The following LPCAT1 variants were observed in gnomAD, a reference collection of about 807,000 sequenced individuals.
LPCAT1 encodes the protein 1-acylglycerol-3-phosphate O-acyltransferase.
LPCAT1 carries 23 observed loss-of-function variants against 60.9 expected under a neutral mutation model. The ratio of observed to expected loss-of-function variants is 0.38; its 90% CI spans 0.27 to 0.53. The LOEUF (loss-of-function observed/expected upper bound fraction) is 0.53, where lower values mean the gene tolerates loss of function less well. Among genes scored for constraint, LPCAT1 ranks in the 20% least tolerant of loss-of-function variants. LPCAT1 has a pLI of 0.82. For missense variants in LPCAT1, 622 were observed against 723.6 expected, an observed-to-expected ratio of 0.86 and a Z score of 1.61; for synonymous variants, 340 against 301.1, an observed-to-expected ratio of 1.13 and a Z score of -1.34.
At chr5:1,517,603 AGG>A (rs1490381977) in intron 1 of LPCAT1, among the ~76,000 whole-genome samples, 1 of 152,156 alleles carries the variant, frequency 6.6e-6, no homozygotes, top group African/African-American at 2.4e-5. Flanking sequence ...CTCCTGAAGC[AGG>A]GCTCCTGAGT....
rs548865981 is a variant in LPCAT1 at position 1,463,355 on chromosome 5, G to A, written c.*296C>T. Reference sequence around the variant, plus strand: ...GAGACTCGAAACCAGGGCCCCGTGGGAGAACACGGGGCGGCACCGGTGCCC... The same window carrying A: ...GAGACTCGAAACCAGGGCCCCGTGGAAGAACACGGGGCGGCACCGGTGCCC... On this transcript the variant is annotated 3_prime_UTR_variant, in exon 14 of 14. Coordinates refer to ENST00000283415, the MANE Select transcript of LPCAT1 (RefSeq NM_024830.5). The A allele has an allele frequency of 8.2e-6, 3 of 366,634 alleles. No homozygotes were observed. Among genetic ancestry groups the A allele is most frequent in the East Asian group, 4.6e-5 (1 of 21,860 alleles). 22.7% of individuals were successfully genotyped at this position (366,634 alleles called of 1,614,324 possible).
rs1004569087 is a variant in LPCAT1 at position 1,521,368 on chromosome 5, T to C, written c.135+2342A>G. 3 of 985,342 alleles carry C rather than the reference T, an allele frequency of 3.0e-6. No homozygotes were observed. Among genetic ancestry groups the C allele is most frequent in the African/African-American group, 3.5e-5 (2 of 57,228 alleles). The allele number at this position is 985,342 out of a possible 1,614,324, so 61.0% of individuals were successfully genotyped here. A position where few individuals can be genotyped will look rare whatever the true frequency, so the allele number is the denominator to read the frequency against. ...TCACTGGTTTATCTCAACTGGGAAC[T>C]TAGCTGGGTTTCTGCGGGTTCTTGA... On this transcript the variant is annotated intron_variant, in intron 1 of 13. Coordinates refer to ENST00000283415, the MANE Select transcript of LPCAT1 (RefSeq NM_024830.5). This position sits in a 1 kb window ranked among gnomAD's most constrained non-coding sequence, Gnocchi z 4.3.
In LPCAT1 at chr5:1,483,753, C is replaced by T. The variant is rs548539545; in HGVS notation, c.668-267G>A. 6.6e-5 allele frequency among the ~76,000 whole-genome samples: 10 copies of T among 151,446 alleles called. No individual in the cohort carries two copies. In the East Asian group the frequency reaches 7.9e-4, roughly 12 times the overall value. On this transcript the variant is annotated intron_variant, in intron 5 of 13. Transcript: ENST00000283415. This position sits in a 1 kb window ranked among gnomAD's most constrained non-coding sequence, Gnocchi z 9.2. ...TTAACATCGCGCACGAGCTGGAAGG[C>T]GTCTGTGGAGGGACACTTGCTATTA...
chr5:1,499,052 G>A (rs1195488913), intron 2 of LPCAT1, among the ~76,000 whole-genome samples: 1 of 152,190 alleles, frequency 6.6e-6, no homozygotes, highest in Non-Finnish European at 1.5e-5. Context: ...CACTGTCACG[G>A]GACACTTCAC....
At chr5:1,510,297 A>G (rs1268435406) in intron 1 of LPCAT1, among the ~76,000 whole-genome samples, 1 of 152,140 alleles carries the variant, frequency 6.6e-6, no homozygotes, top group Non-Finnish European at 1.5e-5. Flanking sequence ...AAAATTAAAT[A>G]TAGCTTTTCT....
rs1734112824 is a variant in LPCAT1, at chr5:1,461,916, A to T, written c.*1735T>A. ...GCATTCTCCAATTATAAAATCAGTG[A>T]CTGTTAGCTACCAAAGGCTGCACTA... On this transcript the variant is annotated 3_prime_UTR_variant, in exon 14 of 14. Transcript: ENST00000283415. 1 of 152,520 alleles carries T rather than the reference A, an allele frequency of 6.6e-6. No individual in the cohort carries two copies. Among genetic ancestry groups the T allele is most frequent in the Non-Finnish European group, 1.5e-5 (1 of 68,016 alleles). 9.4% of individuals were successfully genotyped at this position (152,520 alleles called of 1,614,324 possible). A position where few individuals can be genotyped will look rare whatever the true frequency, so the allele number is the denominator to read the frequency against.
At chr5:1,488,776 T>C (rs746802792) in intron 4 of LPCAT1, among the ~76,000 whole-genome samples, 1 of 152,158 alleles carries the variant, frequency 6.6e-6, no homozygotes, top group Non-Finnish European at 1.5e-5. Flanking sequence ...TAACCCACGG[T>C]TGGCACAACA....
chr5:1,521,623 TG>T lies in LPCAT1; in HGVS notation c.135+2086del. ...ATTGCAGACATCCAGCAGAAACGAC[TG>T]GATGTACAAACACACCTAATTCCTC... On this transcript the variant is annotated intron_variant, in intron 1 of 13. Transcript: ENST00000283415. This position sits in a 1 kb window ranked among gnomAD's most constrained non-coding sequence, Gnocchi z 4.3. 1 of 282,600 alleles carries T rather than the reference TG, an allele frequency of 3.5e-6. No individual in the cohort carries two copies. The highest frequency in any genetic ancestry group is 1.3e-4 in the South Asian group (1 of 7,438). 17.5% of individuals were successfully genotyped at this position (282,600 alleles called of 1,614,324 possible).
chr5:1,522,396 G>A lies in LPCAT1; in HGVS notation c.135+1314C>T, dbSNP rs537685223. Among the ~76,000 whole-genome samples the A allele has an allele frequency of 2.8e-4, 42 of 152,276 alleles. 1 individual carries two copies. The South Asian group carries it at 8.3e-3, about 30-fold the overall frequency. ...TGGCAGACAGAGGGCCAGGCAGAGC[G>A]GCGGCAGAGGGGCCGGCACCGCCCC... On this transcript the variant is annotated intron_variant, in intron 1 of 13. Transcript: ENST00000283415. This position sits in a 1 kb window ranked among gnomAD's most constrained non-coding sequence, Gnocchi z 6.8.
At position 1,476,756 on chromosome 5, in the gene LPCAT1, T is replaced by C. The variant is rs1310976456; in HGVS notation, c.899+648A>G. On this transcript the variant is annotated intron_variant, in intron 9 of 13. Coordinates refer to ENST00000283415, the MANE Select transcript of LPCAT1 (RefSeq NM_024830.5). This position sits in a 1 kb window ranked among gnomAD's most constrained non-coding sequence, Gnocchi z 8.6. ...GGGAGGACCTGGTTGCAAGGACAAG[T>C]GTGGGGGGAATGGGACCTGAGGGAT... 7.1e-6 allele frequency among the ~76,000 whole-genome samples: 1 copy of C among 140,122 alleles called. No homozygotes were observed. The highest frequency in any genetic ancestry group is 1.6e-5 in the Non-Finnish European group (1 of 64,474). 91.9% of individuals were successfully genotyped at this position (140,122 alleles called of 152,430 possible).
At chr5:1,464,757 AAG>A (rs1734266740) in intron 13 of LPCAT1, among the ~76,000 whole-genome samples, 4 of 139,924 alleles carry the variant, frequency 2.9e-5, no homozygotes, top group Admixed American at 7.1e-5. Flanking sequence ...CACACAAAAC[AAG>A]CACACACACG....
rs892324393 is a variant in LPCAT1, at chr5:1,495,403, G to A, written c.279-489C>T. 1.3e-5 allele frequency among the ~76,000 whole-genome samples: 2 copies of A among 152,158 alleles called. No individual in the cohort carries two copies. The highest frequency in any genetic ancestry group is 2.1e-4 in the South Asian group (1 of 4,820). On this transcript the variant is annotated intron_variant, in intron 2 of 13. Transcript: ENST00000283415. This position sits in a 1 kb window ranked among gnomAD's most constrained non-coding sequence, Gnocchi z 4.7. ...CGAACTTCCCCATCTCATCTCCACA[G>A]GAAGCCCGGGGTTCCCACAACCAGG...
chr5:1,479,214 A>T (rs529282434), intron 8 of LPCAT1, among the ~76,000 whole-genome samples: 34 of 152,282 alleles, frequency 2.2e-4, no homozygotes, highest in African/African-American at 7.9e-4. Flanking sequence ...TAGGCAACAA[A>T]GTGAGACCCA....
Position 1,477,540 on chromosome 5 carries a change from C to A in LPCAT1, c.817-54G>T. The A allele has an allele frequency of 1.5e-6, 2 of 1,320,392 alleles. No individual in the cohort carries two copies. Among genetic ancestry groups the A allele is most frequent in the Non-Finnish European group, 2.2e-6 (2 of 926,436 alleles). The allele number at this position is 1,320,392 out of a possible 1,614,324, so 81.8% of individuals were successfully genotyped here. A position where few individuals can be genotyped will look rare whatever the true frequency, so the allele number is the denominator to read the frequency against. On this transcript the variant is annotated intron_variant, in intron 8 of 13. Coordinates refer to ENST00000283415, the MANE Select transcript of LPCAT1 (RefSeq NM_024830.5). The surrounding 1 kb of genome is among the most constrained non-coding windows in gnomAD (Gnocchi z 6.0). ...TCACAAGACGCTGACCTCAGCAACA[C>A]CACTGTAACGACAACTGGGAGGCTG...
rs945717296 is a variant in LPCAT1 at position 1,476,929 on chromosome 5, TA to T, written c.899+474del. Among the ~76,000 whole-genome samples, 26 of 152,148 alleles carry T rather than the reference TA, an allele frequency of 1.7e-4. 1 individual carries two copies. The highest frequency in any genetic ancestry group is 6.3e-4 in the African/African-American group (26 of 41,408). ...GGGAAGCGAGGACATTCCCTCTTCC[TA>T]ACTGCATGCACGACAACTGTGTAAG... On this transcript the variant is annotated intron_variant, in intron 9 of 13. Coordinates refer to ENST00000283415, the MANE Select transcript of LPCAT1 (RefSeq NM_024830.5). This position sits in a 1 kb window ranked among gnomAD's most constrained non-coding sequence, Gnocchi z 8.6.
intron 1 of LPCAT1, among the ~76,000 whole-genome samples, chr5:1,513,030 C>T (rs1466843716): frequency 1.3e-5 from 2 of 152,290 alleles, no homozygotes; most frequent in East Asian, 3.9e-4. Context: ...GCTGAGAAAT[C>T]AGGAGTAGAG....
At chr5:1,510,403 C>T (rs1448676915) in intron 1 of LPCAT1, among the ~76,000 whole-genome samples, 1 of 152,252 alleles carries the variant, frequency 6.6e-6, no homozygotes, top group East Asian at 1.9e-4. Flanking sequence ...CCCTCGGCAC[C>T]ATCACCTACC....
At position 1,463,166 on chromosome 5, in the gene LPCAT1, A is replaced by G. The variant is rs1044718228; in HGVS notation, c.*485T>C. 2 of 155,814 alleles carry G rather than the reference A, an allele frequency of 1.3e-5. No individual in the cohort carries two copies. Among genetic ancestry groups the G allele is most frequent in the African/African-American group, 4.8e-5 (2 of 41,566 alleles). The allele number at this position is 155,814 out of a possible 1,614,324, so 9.7% of individuals were successfully genotyped here. ...TGAGCTCCAGCACACAGGTAGAAAC[A>G]CTGAAAAATCAGGTGACGGCTCGGC... On this transcript the variant is annotated 3_prime_UTR_variant, in exon 14 of 14. Coordinates refer to ENST00000283415, the MANE Select transcript of LPCAT1 (RefSeq NM_024830.5).
Position 1,466,835 on chromosome 5 carries a change from A to G in LPCAT1, c.1334T>C (p.Leu445Pro). ...CTCTGCCACCCCCAGGGCCGTCTTG[A>G]GGATGCAGGACAGGTCACCTTCGCC... ...SVGEGDLSCI[L>P]KTALGVAELT... Residue 445 changes from leucine (L) to proline (P), a missense_variant, in exon 13 of 14, where the codon CTC (leucine) becomes CCC (proline). This residue lies in a region of LPCAT1 where 288 missense variants were observed against 283.6 expected (regional missense o/e 1.02). Transcript: ENST00000283415. 1.2e-6 allele frequency: 2 copies of G among 1,613,340 alleles called. No individual in the cohort carries two copies. The highest frequency in any genetic ancestry group is 8.5e-7 in the Non-Finnish European group (1 of 1,179,546).
Sources: gnomAD v4.1 joint callset for allele counts (sites outside exome capture counted in the v4.1 genomes callset) on GRCh38, gnomAD v4.1.1 for gene constraint, gnomAD v4.1.1 regional missense constraint, Gnocchi (gnomAD v3.1) non-coding constraint, MANE v1.5 for transcripts, NCBI Gene and HGNC (gene_info 2026-07-23, HGNC 2026-07-21) for gene names.